The following CDH13 variants were observed in gnomAD, a reference collection of about 807,000 sequenced individuals.
CDH13 encodes cadherin 13.
CDH13 carries 24 observed loss-of-function variants against 63.8 expected under a neutral mutation model. The ratio of observed to expected loss-of-function variants is 0.38; its 90% confidence interval spans 0.27 to 0.53. The LOEUF (loss-of-function observed/expected upper bound fraction) is 0.53, where lower values mean the gene tolerates loss of function less well. Ranked by LOEUF, CDH13 falls within the 20% of genes least tolerant of loss-of-function variation. The probability of loss-of-function intolerance (pLI) is 0.85; values close to 1 mark genes in which losing one functional copy is unlikely to be tolerated. For missense variants in CDH13, 1,049 were observed against 903.1 expected (o/e 1.16, Z -2.07); for synonymous variants, 503 against 355.3 (o/e 1.42, Z -4.67).
chr16:83,387,997 G>C (rs1315913285), intron 6 of CDH13, among the ~76,000 whole-genome samples: 1 of 152,072 alleles, frequency 6.6e-6, no homozygotes, highest in African/African-American at 2.4e-5. Flanking sequence ...TTGTCTTATA[G>C]ACTCATTGGG....
intron 2 of CDH13, among the ~76,000 whole-genome samples, chr16:82,977,639 C>G (rs918512332): frequency 1.3e-5 from 2 of 152,166 alleles, no homozygotes; most frequent in Admixed American, 1.3e-4. Context: ...TCAATTGAAC[C>G]TCTTTCCTTT....
At chr16:83,714,561 G>A (rs1254244657) in intron 10 of CDH13, among the ~76,000 whole-genome samples, 1 of 152,140 alleles carries the variant, frequency 6.6e-6, no homozygotes, top group East Asian at 1.9e-4. Context: ...TGTAACTAAA[G>A]CTAAAGACTT....
intron 5 of CDH13, among the ~76,000 whole-genome samples, chr16:83,332,246 T>G (rs1193959118): frequency 6.6e-6 from 1 of 152,146 alleles, no homozygotes; most frequent in Non-Finnish European, 1.5e-5. Flanking sequence ...CTGTCAGTAA[T>G]TCACGCAATA....
At chr16:83,783,537 C>T in intron 13 of CDH13, 65 bp downstream of exon 13, 1 of 1,202,602 alleles carries the variant, frequency 8.3e-7, no homozygotes, top group Admixed American at 1.7e-5. Flanking sequence ...GTTCGTGAAG[C>T]CAGCATTTTC....
At chr16:83,046,522 A>G (rs532194625) in intron 3 of CDH13, among the ~76,000 whole-genome samples, 36 of 152,336 alleles carry the variant, frequency 2.4e-4, no homozygotes, top group Admixed American at 4.6e-4. Flanking sequence ...CAATACATTA[A>G]AACATAGGCA....
chr16:83,193,450 C>G (rs967622874), intron 4 of CDH13, among the ~76,000 whole-genome samples: 2 of 152,198 alleles, frequency 1.3e-5, no homozygotes, highest in African/African-American at 2.4e-5. Flanking sequence ...CATTGTATTT[C>G]TCTTCTCTTC....
chr16:83,525,148 G>A (rs1293113372), intron 7 of CDH13, among the ~76,000 whole-genome samples: 1 of 152,090 alleles, frequency 6.6e-6, no homozygotes, highest in Non-Finnish European at 1.5e-5. Context: ...GACTCCAGTT[G>A]GCTCTATCTG....
chr16:82,654,976 G>A (rs887270245), intron 1 of CDH13, among the ~76,000 whole-genome samples: 11 of 152,176 alleles, frequency 7.2e-5, no homozygotes, highest in Non-Finnish European at 1.0e-4. Flanking sequence ...TGTGGAGCTG[G>A]TGGTCCCAGA....
intron 8 of CDH13, among the ~76,000 whole-genome samples, chr16:83,612,657 A>G (rs1043633472): frequency 6.6e-6 from 1 of 151,940 alleles, no homozygotes; most frequent in Non-Finnish European, 1.5e-5. Context: ...TTCAGCTCTA[A>G]TAACTTATTA....
chr16:82,782,890 G>A (rs1349777228), intron 1 of CDH13, among the ~76,000 whole-genome samples: 4 of 152,060 alleles, frequency 2.6e-5, no homozygotes, highest in Non-Finnish European at 5.9e-5. Flanking sequence ...CTTTCCAGAG[G>A]CTTCCAGGTC....
chr16:83,592,445 G>A (rs1032681951), intron 7 of CDH13, among the ~76,000 whole-genome samples: 1 of 152,162 alleles, frequency 6.6e-6, no homozygotes, highest in Non-Finnish European at 1.5e-5. Flanking sequence ...AAATGTTTCA[G>A]TGAACTCACA....
At chr16:83,699,953 A>G (rs954491064) in intron 10 of CDH13, among the ~76,000 whole-genome samples, 1 of 152,148 alleles carries the variant, frequency 6.6e-6, no homozygotes, top group Non-Finnish European at 1.5e-5. Context: ...TTGACATGCA[A>G]AAGTGCACAA....
intron 1 of CDH13, among the ~76,000 whole-genome samples, chr16:82,812,024 C>A (rs1387739068): frequency 2.6e-5 from 4 of 152,070 alleles, no homozygotes; most frequent in African/African-American, 7.2e-5. Flanking sequence ...GGGGTGGGAC[C>A]AGGTTACGAA....
chr16:83,194,854 A>G (rs919065707), intron 4 of CDH13, among the ~76,000 whole-genome samples: 1 of 152,172 alleles, frequency 6.6e-6, no homozygotes. Context: ...TTCAGGAGGC[A>G]AGGTGGCTTC....
In CDH13 at chr16:83,356,034, G is replaced by C. The variant is rs568551267; in HGVS notation, c.781+11028G>C. Among the ~76,000 whole-genome samples the C allele has an allele frequency of 2.0e-5, 3 of 152,254 alleles. No homozygotes were observed. The East Asian group carries it at 5.8e-4, about 29-fold the overall frequency. The stretch of plus-strand genomic sequence containing the variant: ...CACAGCTGGTGGGTGATGAAGCTCA[G>C]ATCGAAACTCAGACCTGTATGACTC... On this transcript the variant is annotated intron_variant, in intron 6 of 13. Transcript: ENST00000567109.
chr16:83,605,160 A>C (rs1489444908), intron 8 of CDH13, among the ~76,000 whole-genome samples: 1 of 152,202 alleles, frequency 6.6e-6, no homozygotes, highest in East Asian at 1.9e-4. Flanking sequence ...CTTCAAATGG[A>C]GATTAGACAA....
At chr16:83,242,398 G>A (rs1031905290) in intron 5 of CDH13, among the ~76,000 whole-genome samples, 6 of 152,004 alleles carry the variant, frequency 3.9e-5, no homozygotes, top group African/African-American at 7.3e-5. Flanking sequence ...TGAAAGTGCC[G>A]TTAGAAAAAT....
In CDH13 at chr16:83,672,409, C is replaced by CTTTTTTTTTTTTTTTTTTT. The variant is rs34156503; in HGVS notation, c.1284+1453_1284+1471dup. ...AGAGTGAGGCAGCTCTCTGGATTCTCTTTTTTTTTTTTTTTTTTTTTTTTT... is the reference window on the plus strand; with the variant it reads ...AGAGTGAGGCAGCTCTCTGGATTCTCTTTTTTTTTTTTTTTTTTTTTTTTTTTTTTTTTTTTTTTTTTTT... On this transcript the variant is annotated intron_variant, in intron 9 of 13. Transcript: ENST00000567109. 2.8e-4 allele frequency among the ~76,000 whole-genome samples: 10 copies of CTTTTTTTTTTTTTTTTTTT among 35,106 alleles called. 4 individuals carry two copies. The highest frequency in any genetic ancestry group is 4.0e-4 in the Non-Finnish European group (8 of 19,850). The allele number at this position is 35,106 out of a possible 152,430, so 23.0% of individuals were successfully genotyped here.
Position 83,432,354 on chromosome 16 carries a change from A to T in CDH13, c.782-54123A>T, listed in dbSNP as rs146087368. Among the ~76,000 whole-genome samples the T allele has an allele frequency of 1.1e-3, 172 of 152,270 alleles. No individual in the cohort carries two copies. In the East Asian group the frequency reaches 0.016, roughly 14 times the overall value. On this transcript the variant is annotated intron_variant, in intron 6 of 13. Coordinates refer to ENST00000567109, the MANE Select transcript of CDH13 (RefSeq NM_001257.5). ...CTCATACCATGTCATCCTATAATCT[A>T]CCCCAATGGTAGTTAATATACCCCT...
Sources: gnomAD v4.1 joint callset for allele counts (sites outside exome capture counted in the v4.1 genomes callset) on GRCh38, gnomAD v4.1.1 for gene constraint, MANE v1.5 for transcripts, NCBI Gene and HGNC (gene_info 2026-07-23, HGNC 2026-07-21) for gene names.